The following CPNE4 variants were observed in gnomAD, a reference collection of about 807,000 sequenced individuals.
CPNE4 encodes copine-4.
CPNE4 carries 25 observed loss-of-function variants against 67.9 expected under a neutral mutation model. The observed-to-expected ratio is 0.37, with a 90% CI of 0.27 to 0.51. The LOEUF is 0.51. CPNE4 is among the 20% of genes least tolerant of loss of function. The probability of loss-of-function intolerance (pLI) is 0.93; values close to 1 mark genes in which losing one functional copy is unlikely to be tolerated. For missense variants in CPNE4, 464 were observed against 690.8 expected (o/e 0.67, Z 3.68); for synonymous variants, 242 against 244.9 (o/e 0.99, Z 0.11).
At chr3:131,727,444 G>A (rs1038818451) in intron 2 of CPNE4, among the ~76,000 whole-genome samples, 7 of 151,004 alleles carry the variant, frequency 4.6e-5, no homozygotes, top group Non-Finnish European at 7.4e-5. Flanking sequence ...CAGCCTGGGC[G>A]ACAGAGCAAG....
chr3:131,864,036 G>A (rs926892166), intron 2 of CPNE4, among the ~76,000 whole-genome samples: 6 of 151,960 alleles, frequency 3.9e-5, no homozygotes, highest in African/African-American at 1.5e-4. Flanking sequence ...CATTATTTCT[G>A]AGGGCTCTGT....
chr3:131,831,565 T>A (rs2085369425), intron 2 of CPNE4, among the ~76,000 whole-genome samples: 1 of 152,192 alleles, frequency 6.6e-6, no homozygotes, highest in African/African-American at 2.4e-5. Context: ...GTTCTGAGTC[T>A]GAAGTCTTTC....
rs574289199 is a variant in CPNE4, at chr3:131,534,231, TA to T, written c.*963del. The T allele has an allele frequency of 3.6e-3, 549 of 152,328 alleles. 4 individuals are homozygous for T. Among genetic ancestry groups the T allele is most frequent in the South Asian group, 0.025 (122 of 4,822 alleles). 9.4% of individuals were successfully genotyped at this position (152,328 alleles called of 1,614,324 possible). A position where few individuals can be genotyped will look rare whatever the true frequency, so the allele number is the denominator to read the frequency against. On this transcript the variant is annotated 3_prime_UTR_variant, in exon 16 of 16. Transcript: ENST00000429747. ...AGGAGGAGCACTTTCTAGTCTTATCTAAGGAAGAGGTGTGAGTATAAAGCAG... is the reference window on the plus strand; with the variant it reads ...AGGAGGAGCACTTTCTAGTCTTATCTAGGAAGAGGTGTGAGTATAAAGCAG...
At chr3:131,589,470 G>C (rs1227936233) in intron 7 of CPNE4, among the ~76,000 whole-genome samples, 1 of 152,172 alleles carries the variant, frequency 6.6e-6, no homozygotes, top group African/African-American at 2.4e-5. Flanking sequence ...CAGCCGATTG[G>C]ATAGTGCCCA....
intron 2 of CPNE4, among the ~76,000 whole-genome samples, chr3:131,812,815 G>A (rs1303345866): frequency 6.6e-6 from 1 of 152,118 alleles, no homozygotes; most frequent in Non-Finnish European, 1.5e-5. Context: ...TGGGGAGCAG[G>A]GAGAATATTT....
chr3:131,839,171 C>T (rs2085676864), intron 2 of CPNE4, among the ~76,000 whole-genome samples: 1 of 151,618 alleles, frequency 6.6e-6, no homozygotes, highest in South Asian at 2.1e-4. Flanking sequence ...TGCTGCCCTC[C>T]ATATCTTTGC....
chr3:131,953,229 A>T (rs1174721876), intron 1 of CPNE4, among the ~76,000 whole-genome samples: 1 of 135,512 alleles, frequency 7.4e-6, no homozygotes, highest in African/African-American at 2.8e-5. Flanking sequence ...AACACCCAAG[A>T]ATGATCAATT....
intron 2 of CPNE4, among the ~76,000 whole-genome samples, chr3:131,732,853 A>T (rs1158224746): frequency 6.6e-6 from 1 of 152,204 alleles, no homozygotes; most frequent in East Asian, 1.9e-4. Flanking sequence ...ATGGTTCATG[A>T]TTAATGAATT....
chr3:131,786,363 C>G (rs1281546809), intron 2 of CPNE4, among the ~76,000 whole-genome samples: 1 of 152,014 alleles, frequency 6.6e-6, no homozygotes, highest in African/African-American at 2.4e-5. Context: ...ATGTGTGATC[C>G]CTTATTAGAA....
chr3:131,552,152 A>G (rs572001976), intron 13 of CPNE4, among the ~76,000 whole-genome samples: 1 of 150,760 alleles, frequency 6.6e-6, no homozygotes, highest in Non-Finnish European at 1.5e-5. Context: ...AGTTTCATTT[A>G]TTATTATTAT....
intron 2 of CPNE4, among the ~76,000 whole-genome samples, chr3:131,739,760 C>A (rs1375872670): frequency 1.3e-5 from 2 of 152,210 alleles, no homozygotes; most frequent in Non-Finnish European, 2.9e-5. Flanking sequence ...CAATCAATAT[C>A]TTTACTTTAT....
chr3:131,569,787 T>G (rs1437080200), intron 10 of CPNE4, among the ~76,000 whole-genome samples: 2 of 151,928 alleles, frequency 1.3e-5, no homozygotes, highest in Non-Finnish European at 2.9e-5. Flanking sequence ...TGGGAGAAGT[T>G]GCATTCAGCA....
intron 1 of CPNE4, among the ~76,000 whole-genome samples, chr3:131,986,770 G>A (rs997522557): frequency 9.4e-5 from 14 of 148,398 alleles, no homozygotes. Flanking sequence ...GGCGGAGGTT[G>A]CAGTGAGCCA....
chr3:131,785,469 T>A (rs1314243769), intron 2 of CPNE4, among the ~76,000 whole-genome samples: 2 of 152,088 alleles, frequency 1.3e-5, no homozygotes, highest in Non-Finnish European at 2.9e-5. Context: ...TCCCAGTCCT[T>A]TACTCCATGG....
intron 2 of CPNE4, among the ~76,000 whole-genome samples, chr3:131,850,579 T>C (rs764375373): frequency 6.6e-6 from 1 of 152,126 alleles, no homozygotes; most frequent in Admixed American, 6.6e-5. Context: ...ATTACAGCTA[T>C]GTGGAAGAAT....
intron 2 of CPNE4, among the ~76,000 whole-genome samples, chr3:131,817,819 T>TTTTC (rs1303920357): frequency 6.6e-6 from 1 of 152,216 alleles, no homozygotes; most frequent in Admixed American, 6.5e-5. Flanking sequence ...CAGAAAAGTC[T>TTTTC]TGTCCTAACC....
Position 131,723,763 on chromosome 3 carries a change from A to C in CPNE4, c.181-138T>G, listed in dbSNP as rs944329260. 3 of 664,514 alleles carry C rather than the reference A, an allele frequency of 4.5e-6. No homozygotes were observed. The African/African-American group carries it at 5.4e-5, about 12-fold the overall frequency. 41.2% of individuals were successfully genotyped at this position (664,514 alleles called of 1,614,324 possible). On this transcript the variant is annotated intron_variant, in intron 2 of 15. Coordinates refer to ENST00000429747, the MANE Select transcript of CPNE4 (RefSeq NM_130808.3). ...CAAGTCATTGGGTGGGCAGTCCAAAAGTACAAAGTACAGGCAATACCTTCA... is the reference window on the plus strand; with the variant it reads ...CAAGTCATTGGGTGGGCAGTCCAAACGTACAAAGTACAGGCAATACCTTCA...
In CPNE4 at chr3:131,816,697, A is replaced by G. The variant is rs574879482; in HGVS notation, c.180+88567T>C. Reference sequence around the variant, plus strand: ...AGCTTAACACCCAGGGATTTTCTCTAGTCACTCAAAGCCAGAGGGAGTGAT... The same window carrying G: ...AGCTTAACACCCAGGGATTTTCTCTGGTCACTCAAAGCCAGAGGGAGTGAT... On this transcript the variant is annotated intron_variant, in intron 2 of 15. Coordinates refer to ENST00000429747, the MANE Select transcript of CPNE4 (RefSeq NM_130808.3). 6.2e-4 allele frequency among the ~76,000 whole-genome samples: 94 copies of G among 152,258 alleles called. No homozygotes were observed. In the South Asian group the frequency reaches 0.018, roughly 30 times the overall value.
chr3:131,987,988 C>G (rs1463269365), intron 1 of CPNE4, among the ~76,000 whole-genome samples: 1 of 152,156 alleles, frequency 6.6e-6, no homozygotes, highest in Non-Finnish European at 1.5e-5. Flanking sequence ...CCACAGTCTA[C>G]TGAGGGCAAA....
Sources: allele counts gnomAD v4.1 joint callset (sites outside exome capture counted in the v4.1 genomes callset), GRCh38; gene constraint gnomAD v4.1.1; transcripts MANE v1.5; gene names NCBI Gene and HGNC (gene_info 2026-07-23, HGNC 2026-07-21).